ADGRV1: variants seen among roughly 807,000 people sequenced by gnomAD.
The protein encoded by ADGRV1 is adhesion G protein-coupled receptor V1, also known as G-protein coupled receptor 98.
A neutral mutation model predicts 596.2 loss-of-function variants in ADGRV1; 359 were observed. The observed-to-expected ratio is 0.60, with a 90% CI of 0.55 to 0.66. The LOEUF (loss-of-function observed/expected upper bound fraction) is 0.66. Ranked by LOEUF, ADGRV1 falls within the 30% of genes least tolerant of loss-of-function variation. The pLI is 0.00. For synonymous variants in ADGRV1, 2,681 were observed against 2,679.2 expected (o/e 1.00, Z -0.02); for missense variants, 7,274 against 7,575.6 (o/e 0.96, Z 1.48).
intron 86 of ADGRV1, among the ~76,000 whole-genome samples, chr5:91,096,623 AT>A (rs1012806132): frequency 2.6e-5 from 4 of 151,466 alleles, no homozygotes; most frequent in South Asian, 2.1e-4. Context: ...TGATGATTTG[AT>A]TTTTTTTTCT....
At position 90,754,224 on chromosome 5, in the gene ADGRV1, G is replaced by A. The variant is rs566672324; in HGVS notation, c.11377+395G>A. The stretch of plus-strand genomic sequence containing the variant: ...AATGAAATGTGTACATGGCACTAAA[G>A]GTATTAATTGTTTAATCCAAAATAG... On this transcript the variant is annotated intron_variant, in intron 54 of 89. Coordinates refer to ENST00000405460, the MANE Select transcript of ADGRV1 (RefSeq NM_032119.4). 2.0e-4 allele frequency among the ~76,000 whole-genome samples: 30 copies of A among 152,112 alleles called. No homozygotes were observed. In the East Asian group the frequency reaches 5.6e-3, roughly 28 times the overall value.
rs1202365683 is a variant in ADGRV1, at chr5:90,774,192, T to C, written c.12292T>C (p.Ser4098Pro). Residue 4098 changes from serine (S) to proline (P), a missense_variant, in exon 60 of 90, where the codon TCC (serine) becomes CCC (proline). Ser to Pro is a moderately conservative substitution (Grantham distance 74). Coordinates refer to ENST00000405460, the MANE Select transcript of ADGRV1 (RefSeq NM_032119.4). ...TTTCTGTCATTGGATGTAGACTGAG[T>C]CCCAGAAGACCATTGTGTTGCACAC... ...NGTLHFDETE[S>P]QKTIVLHTLQ... 3 of 1,594,362 alleles carry C rather than the reference T, an allele frequency of 1.9e-6. No homozygotes were observed. Among genetic ancestry groups the C allele is most frequent in the Non-Finnish European group, 2.6e-6 (3 of 1,164,986 alleles).
At chr5:90,737,925 A>G (rs763724258) in intron 50 of ADGRV1, among the ~76,000 whole-genome samples, 2 of 151,840 alleles carry the variant, frequency 1.3e-5, no homozygotes, top group Non-Finnish European at 2.9e-5. Context: ...TTCATTCAGG[A>G]TAATTATTAA....
chr5:90,775,140 G>A (rs1360068470), intron 60 of ADGRV1, among the ~76,000 whole-genome samples: 1 of 152,108 alleles, frequency 6.6e-6, no homozygotes, highest in East Asian at 1.9e-4. Flanking sequence ...GAAACTTTTA[G>A]CATGAAAATT....
intron 83 of ADGRV1, among the ~76,000 whole-genome samples, chr5:90,960,144 A>AAAAC (rs554716261): frequency 0.099 from 14,369 of 145,568 alleles, 1,070 homozygotes; most frequent in East Asian, 0.28. Flanking sequence ...TCTCAAAAAA[A>AAAAC]AAAAAAAAAC....
intron 58 of ADGRV1, among the ~76,000 whole-genome samples, chr5:90,760,595 GA>G (rs761427942): frequency 1.3e-5 from 2 of 152,112 alleles, no homozygotes; most frequent in African/African-American, 2.4e-5. Flanking sequence ...TTTATCTGGT[GA>G]GGGATTTATA....
chr5:91,079,910 A>G (rs1317252762), intron 86 of ADGRV1, among the ~76,000 whole-genome samples: 1 of 152,184 alleles, frequency 6.6e-6, no homozygotes, highest in Non-Finnish European at 1.5e-5. Flanking sequence ...CTGGCACTGC[A>G]TGTAAGTGCA....
At chr5:90,669,612 GTGTTATTGTGAAATGATAGAA>G (rs1347206392) in intron 21 of ADGRV1, among the ~76,000 whole-genome samples, 36 of 152,332 alleles carry the variant, frequency 2.4e-4, no homozygotes, top group African/African-American at 8.2e-4. Context: ...TGCAGCTTGT[GTGTTATTGTGAAATGATAGAA>G]TGAGCATTAT....
At chr5:90,849,884 A>T (rs888590017) in intron 79 of ADGRV1, among the ~76,000 whole-genome samples, 5 of 152,250 alleles carry the variant, frequency 3.3e-5, no homozygotes, top group Admixed American at 1.3e-4. Flanking sequence ...CAGTATAATG[A>T]AATTTCCATG....
At chr5:91,034,437 G>A (rs1035201080) in intron 85 of ADGRV1, among the ~76,000 whole-genome samples, 1 of 152,088 alleles carries the variant, frequency 6.6e-6, no homozygotes, top group Non-Finnish European at 1.5e-5. Flanking sequence ...TAATAATTCT[G>A]TTTTATTTTA....
In ADGRV1 at chr5:90,652,195, C is replaced by G. The variant is rs1458603621; in HGVS notation, c.3417-151C>G. On this transcript the variant is annotated intron_variant, in intron 18 of 89. Coordinates refer to ENST00000405460, the MANE Select transcript of ADGRV1 (RefSeq NM_032119.4). ...AAAGTTCTACCTTATTCTTCTCTTC[C>G]CATGAAATTCTTCATAGTTTGCCTC... is the stretch of plus-strand genomic sequence containing the variant. The G allele has an allele frequency of 2.3e-5, 11 of 470,464 alleles. No individual in the cohort carries two copies. The East Asian group carries it at 3.6e-4, about 15-fold the overall frequency. 29.1% of individuals were successfully genotyped at this position (470,464 alleles called of 1,614,324 possible). A position where few individuals can be genotyped will look rare whatever the true frequency, so the allele number is the denominator to read the frequency against.
intron 83 of ADGRV1, among the ~76,000 whole-genome samples, chr5:90,876,247 A>T (rs1007664127): frequency 5.3e-5 from 8 of 152,176 alleles, no homozygotes; most frequent in African/African-American, 1.4e-4. Flanking sequence ...AGAAATATTT[A>T]AAAAAACTAA....
intron 85 of ADGRV1, among the ~76,000 whole-genome samples, chr5:91,058,176 A>G (rs1787068343): frequency 6.6e-6 from 1 of 152,226 alleles, no homozygotes; most frequent in East Asian, 1.9e-4. Flanking sequence ...GGTGCTGGGC[A>G]GGCCTCAGAA....
chr5:90,842,394 G>A (rs1765510780), intron 78 of ADGRV1, among the ~76,000 whole-genome samples: 1 of 152,096 alleles, frequency 6.6e-6, no homozygotes, highest in African/African-American at 2.4e-5. Context: ...GGGAATACTT[G>A]GAGGGATAAA....
At chr5:90,756,118 C>T (rs902337122) in intron 55 of ADGRV1, among the ~76,000 whole-genome samples, 6 of 151,844 alleles carry the variant, frequency 4.0e-5, no homozygotes, top group African/African-American at 9.7e-5. Flanking sequence ...TAGCATTTAC[C>T]AGTGTTTCCT....
intron 56 of ADGRV1, 22 bp downstream of exon 56, chr5:90,756,652 T>C: frequency 6.2e-7 from 1 of 1,601,456 alleles, no homozygotes; most frequent in South Asian, 1.1e-5. Flanking sequence ...TTTCATTTGT[T>C]TACAGTCATA....
intron 41 of ADGRV1, among the ~76,000 whole-genome samples, chr5:90,711,846 G>A (rs1396580375): frequency 4.6e-5 from 7 of 151,996 alleles, no homozygotes; most frequent in African/African-American, 1.5e-4. Flanking sequence ...GTGCGATCTC[G>A]GCTCACTGCA....
At chr5:90,885,674 A>G (rs1770211616) in intron 83 of ADGRV1, among the ~76,000 whole-genome samples, 1 of 152,192 alleles carries the variant, frequency 6.6e-6, no homozygotes, top group Non-Finnish European at 1.5e-5. Context: ...GAAAGGTGAC[A>G]GTTCTAAGCA....
At chr5:90,776,775 C>T (rs1758285840) in intron 61 of ADGRV1, among the ~76,000 whole-genome samples, 199 bp downstream of exon 61, 1 of 152,092 alleles carries the variant, frequency 6.6e-6, no homozygotes, top group Admixed American at 6.6e-5. Context: ...GATATTAGAT[C>T]ATGAGAAGGT....
Sources: allele counts gnomAD v4.1 joint callset (sites outside exome capture counted in the v4.1 genomes callset), GRCh38; gene constraint gnomAD v4.1.1; transcripts MANE v1.5; gene names NCBI Gene and HGNC (gene_info 2026-07-23, HGNC 2026-07-21).